NDST3: variants seen among roughly 807,000 people sequenced by gnomAD.
NDST3 encodes N-deacetylase and N-sulfotransferase 3, also known as bifunctional heparan sulfate N-deacetylase/N-sulfotransferase 3.
Under a neutral mutation model 96.1 loss-of-function variants are expected in NDST3, and 58 were observed. The ratio of observed to expected loss-of-function variants is 0.60; its 90% CI spans 0.49 to 0.75. The LOEUF is 0.75. NDST3 is among the 30% of genes least tolerant of loss of function. The pLI is 0.00. For missense variants in NDST3, 788 were observed against 1,034.2 expected, an observed-to-expected ratio of 0.76 and a Z score of 3.27; for synonymous variants, 333 against 359.7, an observed-to-expected ratio of 0.93 and a Z score of 0.84.
chr4:118,134,760 A>T (rs774667650), intron 4 of NDST3, among the ~76,000 whole-genome samples: 31 of 152,266 alleles, frequency 2.0e-4, no homozygotes, highest in South Asian at 4.1e-4. Flanking sequence ...TGATCCAAAT[A>T]CTTCATTTAC....
At chr4:118,053,529 C>A (rs935421889) in intron 1 of NDST3, among the ~76,000 whole-genome samples, 1 of 151,758 alleles carries the variant, frequency 6.6e-6, no homozygotes, top group Non-Finnish European at 1.5e-5. Context: ...TCTGTTAGCC[C>A]AAAGTCTTTT....
intron 3 of NDST3, among the ~76,000 whole-genome samples, chr4:118,111,206 G>A (rs1199037935): frequency 6.6e-6 from 1 of 152,120 alleles, no homozygotes; most frequent in Admixed American, 6.6e-5. Flanking sequence ...AAAACTACCT[G>A]TTGTGTACTA....
Position 118,168,734 on chromosome 4 carries a change from A to G in NDST3, c.1539+25050A>G, listed in dbSNP as rs140633763. 3.4e-3 allele frequency among the ~76,000 whole-genome samples: 511 copies of G among 152,324 alleles called. 2 individuals carry two copies. The highest frequency in any genetic ancestry group is 0.012 in the African/African-American group (482 of 41,584). ...GAGGAAACAACCTAAATGTCCATCA[A>G]TCGGCAAACGGGTAAAAAACGTAGT... On this transcript the variant is annotated intron_variant, in intron 6 of 13. Coordinates refer to ENST00000296499, the MANE Select transcript of NDST3 (RefSeq NM_004784.3).
chr4:118,110,247 G>A lies in NDST3; in HGVS notation c.1070-4559G>A, dbSNP rs184261370. 1.1e-3 allele frequency among the ~76,000 whole-genome samples: 160 copies of A among 152,320 alleles called. 1 individual carries two copies. The highest frequency in any genetic ancestry group is 3.7e-3 in the African/African-American group (155 of 41,566). ...TTATATTATAGAATAAATTAACAAT[G>A]AGAAGAGCAATGTTATATTGAATGA... On this transcript the variant is annotated intron_variant, in intron 3 of 13. Coordinates refer to ENST00000296499, the MANE Select transcript of NDST3 (RefSeq NM_004784.3).
chr4:118,229,479 G>A (rs1466963555), intron 8 of NDST3, among the ~76,000 whole-genome samples: 1 of 152,132 alleles, frequency 6.6e-6, no homozygotes, highest in African/African-American at 2.4e-5. Context: ...ATGCAGGACA[G>A]TTTATTCAGA....
At chr4:118,139,881 T>C (rs976316424) in intron 5 of NDST3, among the ~76,000 whole-genome samples, 1 of 152,198 alleles carries the variant, frequency 6.6e-6, no homozygotes, top group Non-Finnish European at 1.5e-5. Context: ...TCCTTGACTT[T>C]CATGTGTGAA....
intron 6 of NDST3, among the ~76,000 whole-genome samples, chr4:118,196,931 T>C (rs982297870): frequency 3.3e-5 from 5 of 151,498 alleles, no homozygotes; most frequent in Admixed American, 2.6e-4. Context: ...CATCATTAGG[T>C]TGTTTATTTG....
chr4:118,096,968 G>A (rs760529848), intron 2 of NDST3, among the ~76,000 whole-genome samples: 17 of 152,030 alleles, frequency 1.1e-4, no homozygotes, highest in Middle Eastern at 3.4e-3. Flanking sequence ...AAGGCAGTCA[G>A]GCAGAAGGAG....
Position 118,224,632 on chromosome 4 carries a change from T to A in NDST3, c.1681T>A (p.Tyr561Asn), listed in dbSNP as rs1461630986. 1.2e-6 allele frequency: 2 copies of A among 1,609,786 alleles called. No individual in the cohort carries two copies. The highest frequency in any genetic ancestry group is 1.7e-6 in the Non-Finnish European group (2 of 1,177,844). ...TLPPVQLAHK[Y>N]FELFPDQKDP... ...GCCTCCAGTACAACTGGCCCACAAG[T>A]ATTTTGAGCTGTTTCCTGATCAGAA... Residue 561 changes from tyrosine to asparagine, a missense_variant, in exon 7 of 14, where the codon TAT (tyrosine) becomes AAT (asparagine). This residue lies in a region of NDST3 where 490 missense variants were observed against 708.8 expected (regional missense o/e 0.69). Coordinates refer to ENST00000296499, the MANE Select transcript of NDST3 (RefSeq NM_004784.3).
chr4:118,053,916 T>C lies in NDST3; in HGVS notation c.6T>C (p.Ser2=), dbSNP rs527889329. ...TTGGGGAAAGCACCTACAACATGAG[T>C]TTTATCATGAAGCTTCACAGACACT... M[S]FIMKLHRHFQ... Residue 2 remains serine, a synonymous_variant, in exon 2 of 14, where the codon AGT becomes AGC. Coordinates refer to ENST00000296499, the MANE Select transcript of NDST3 (RefSeq NM_004784.3). 1.3e-5 allele frequency: 21 copies of C among 1,596,274 alleles called. No homozygotes were observed. The South Asian group carries it at 2.4e-4, about 18-fold the overall frequency.
At chr4:118,077,519 G>A (rs146309210) in intron 2 of NDST3, among the ~76,000 whole-genome samples, 311 of 152,282 alleles carry the variant, frequency 2.0e-3, no homozygotes, top group African/African-American at 7.0e-3. Context: ...GGTCTTGGAA[G>A]AGCCCCCTCC....
In NDST3 at chr4:118,124,861, CT is replaced by C. The variant is rs1479932704; in HGVS notation, c.1224+9905del. Among the ~76,000 whole-genome samples, 5 of 152,118 alleles carry C rather than the reference CT, an allele frequency of 3.3e-5. No individual in the cohort carries two copies. In the East Asian group the frequency reaches 9.7e-4, roughly 29 times the overall value. On this transcript the variant is annotated intron_variant, in intron 4 of 13. Transcript: ENST00000296499. ...CACCTTTAACACTTTTATCCAAAGA[CT>C]TTTGTTACTTTTATTTTATAGCCAT...
intron 6 of NDST3, among the ~76,000 whole-genome samples, chr4:118,173,751 A>G (rs1243514097): frequency 6.6e-6 from 1 of 152,102 alleles, no homozygotes; most frequent in East Asian, 1.9e-4. Context: ...GGAATGTAAT[A>G]TATAAAAATT....
chr4:118,157,560 C>T (rs1289187503), intron 6 of NDST3, among the ~76,000 whole-genome samples: 1 of 151,742 alleles, frequency 6.6e-6, no homozygotes, highest in East Asian at 1.9e-4. Flanking sequence ...GTAGTTAGGA[C>T]TACAGGTAGG....
At chr4:118,037,850 T>C (rs1427222746) in intron 1 of NDST3, among the ~76,000 whole-genome samples, 1 of 152,220 alleles carries the variant, frequency 6.6e-6, no homozygotes, top group Admixed American at 6.5e-5. Context: ...CCTGACGCCT[T>C]TATTGATGTG....
chr4:118,201,659 A>C (rs1738095312), intron 6 of NDST3, among the ~76,000 whole-genome samples: 1 of 152,008 alleles, frequency 6.6e-6, no homozygotes, highest in Non-Finnish European at 1.5e-5. Flanking sequence ...TGATTTGTTC[A>C]AGCTCCCTAT....
At chr4:118,035,972 A>G (rs1430912000) in intron 1 of NDST3, among the ~76,000 whole-genome samples, 2 of 152,132 alleles carry the variant, frequency 1.3e-5, no homozygotes, top group East Asian at 3.9e-4. Flanking sequence ...TTTTAAATTA[A>G]TTTTCTTGAG....
At chr4:118,186,315 C>G (rs953083066) in intron 6 of NDST3, among the ~76,000 whole-genome samples, 5 of 152,090 alleles carry the variant, frequency 3.3e-5, no homozygotes, top group African/African-American at 4.8e-5. Context: ...CTGTATTAGT[C>G]AGAGTTCTCT....
chr4:118,218,490 C>A (rs1739332557), intron 6 of NDST3, among the ~76,000 whole-genome samples: 1 of 152,156 alleles, frequency 6.6e-6, no homozygotes, highest in South Asian at 2.1e-4. Context: ...TAAAATTCAA[C>A]ATCCCTTTAT....
Sources: gnomAD v4.1 joint callset for allele counts (sites outside exome capture counted in the v4.1 genomes callset) on GRCh38, gnomAD v4.1.1 for gene constraint, gnomAD v4.1.1 regional missense constraint, MANE v1.5 for transcripts, NCBI Gene and HGNC (gene_info 2026-07-23, HGNC 2026-07-21) for gene names.